The following SLMAP variants were observed in gnomAD, a reference collection of about 807,000 sequenced individuals.
SLMAP encodes the protein sarcolemma associated protein.
In SLMAP, 44 loss-of-function variants were observed where a neutral mutation model predicts 128.8. That is an observed-to-expected ratio of 0.34 (90% confidence interval 0.27 to 0.44). The LOEUF (loss-of-function observed/expected upper bound fraction) is 0.44, where lower values mean the gene tolerates loss of function less well. Among genes scored for constraint, SLMAP ranks in the 20% least tolerant of loss-of-function variants. SLMAP has a pLI of 1.00. For missense variants in SLMAP, 787 were observed against 985.3 expected (o/e 0.80, Z 2.69); for synonymous variants, 327 against 348.8 (o/e 0.94, Z 0.70).
intron 2 of SLMAP, among the ~76,000 whole-genome samples, chr3:57,790,427 T>A (rs1248823854): frequency 6.6e-6 from 1 of 152,150 alleles, no homozygotes; most frequent in East Asian, 1.9e-4. Flanking sequence ...TAAAGAAGGG[T>A]TATAAGAGCT....
chr3:57,922,991 A>T lies in SLMAP; in HGVS notation c.2413A>T (p.Asn805Tyr). The T allele has an allele frequency of 6.2e-7, 1 of 1,613,934 alleles. No homozygotes were observed. The highest frequency in any genetic ancestry group is 8.5e-7 in the Non-Finnish European group (1 of 1,179,942). ...ITDELKQCKN[N>Y]LKLLREKGNN... Reference sequence around the variant, plus strand: ...AGATGAGCTCAAACAGTGTAAAAACAACCTGAAGCTGCTCCGAGAGAAAGG... The same window carrying T: ...AGATGAGCTCAAACAGTGTAAAAACTACCTGAAGCTGCTCCGAGAGAAAGG... Residue 805 changes from asparagine (N) to tyrosine (Y), a missense_variant, in exon 23 of 25, where the codon AAC becomes TAC. Physicochemically the swap from Asn to Tyr is moderately radical, Grantham distance 143 (BLOSUM62 -2). Transcript: ENST00000671191.
intron 15 of SLMAP, among the ~76,000 whole-genome samples, chr3:57,895,168 A>G (rs1376201880): frequency 2.0e-5 from 3 of 151,896 alleles, no homozygotes; most frequent in African/African-American, 7.3e-5. Flanking sequence ...CAGATGTGCC[A>G]TTACAGATGA....
At chr3:57,848,550 C>T (rs1266407372) in intron 5 of SLMAP, among the ~76,000 whole-genome samples, 2 of 143,698 alleles carry the variant, frequency 1.4e-5, no homozygotes, top group African/African-American at 2.6e-5. Context: ...TCCCTTTTTC[C>T]TCCCTCCTTC....
At chr3:57,788,764 G>T (rs1488189751) in intron 2 of SLMAP, among the ~76,000 whole-genome samples, 1 of 152,176 alleles carries the variant, frequency 6.6e-6, no homozygotes, top group African/African-American at 2.4e-5. Flanking sequence ...GACTTGTCAG[G>T]TAGGGGTCTG....
chr3:57,826,885 T>TG (rs2092963772), intron 2 of SLMAP, among the ~76,000 whole-genome samples: 1 of 152,198 alleles, frequency 6.6e-6, no homozygotes. Flanking sequence ...TCTGCACAGA[T>TG]GCTGATTCCA....
intron 8 of SLMAP, among the ~76,000 whole-genome samples, chr3:57,858,527 A>G (rs1310299180): frequency 1.3e-5 from 2 of 152,180 alleles, no homozygotes; most frequent in African/African-American, 2.4e-5. Flanking sequence ...CTTTTTGTCA[A>G]CAACACTTTA....
At chr3:57,844,594 C>T (rs560175283) in intron 4 of SLMAP, among the ~76,000 whole-genome samples, 47 of 150,720 alleles carry the variant, frequency 3.1e-4, no homozygotes, top group Non-Finnish European at 1.9e-4. Flanking sequence ...AATGTGTTGC[C>T]GGATTTTTAG....
intron 23 of SLMAP, 34 bp from the exon 24 acceptor site, chr3:57,925,811 A>G: frequency 6.9e-7 from 1 of 1,455,844 alleles, no homozygotes; most frequent in Non-Finnish European, 9.4e-7. Flanking sequence ...CTTTCATAGC[A>G]TAAAATGATT....
rs869169620 is a variant in SLMAP at position 57,766,165 on chromosome 3, ATTTTTTTT to A, written c.198+8333_198+8340del. On this transcript the variant is annotated intron_variant, in intron 2 of 24. Coordinates refer to ENST00000671191, the MANE Select transcript of SLMAP (RefSeq NM_001377540.1). The stretch of plus-strand genomic sequence containing the variant: ...AGGCGCCTACCACCACACCCGGCTA[ATTTTTTTT>A]TTTTTTTTTTTTTTTTGTATTTTTA... Among the ~76,000 whole-genome samples the A allele has an allele frequency of 9.1e-4, 78 of 85,690 alleles. 1 individual carries two copies. Among genetic ancestry groups the A allele is most frequent in the Admixed American group, 2.0e-3 (12 of 6,118 alleles). 56.2% of individuals were successfully genotyped at this position (85,690 alleles called of 152,430 possible). A position where few individuals can be genotyped will look rare whatever the true frequency, so the allele number is the denominator to read the frequency against.
At chr3:57,889,185 CT>C (rs1377980001) in intron 14 of SLMAP, among the ~76,000 whole-genome samples, 1 of 152,148 alleles carries the variant, frequency 6.6e-6, no homozygotes, top group Admixed American at 6.6e-5. Context: ...CGCACGGCCC[CT>C]CTTTCTGATT....
At chr3:57,772,687 C>T (rs919982943) in intron 2 of SLMAP, among the ~76,000 whole-genome samples, 3 of 151,606 alleles carry the variant, frequency 2.0e-5, no homozygotes, top group African/African-American at 7.3e-5. Context: ...GTTGCCCAGG[C>T]TGGAGTGCAG....
At chr3:57,767,649 A>G (rs1312200243) in intron 2 of SLMAP, among the ~76,000 whole-genome samples, 2 of 152,222 alleles carry the variant, frequency 1.3e-5, no homozygotes, top group Non-Finnish European at 1.5e-5. Flanking sequence ...TTTGGTCTAT[A>G]TAACACTCTT....
At chr3:57,811,643 A>G (rs1379192841) in intron 2 of SLMAP, among the ~76,000 whole-genome samples, 1 of 152,138 alleles carries the variant, frequency 6.6e-6, no homozygotes. Flanking sequence ...TCTTTTTCAA[A>G]ATTTTTGAGG....
chr3:57,879,969 T>A (rs72876795), intron 14 of SLMAP, among the ~76,000 whole-genome samples: 50,581 of 148,994 alleles, frequency 0.34, 9,358 homozygotes, highest in African/African-American at 0.48. Context: ...AAAATAAAAA[T>A]AAAAAGCACA....
In SLMAP at chr3:57,890,055, G is replaced by C. The variant is rs747337211; in HGVS notation, c.1315G>C (p.Glu439Gln). Residue 439 changes from glutamate to glutamine, a missense_variant, in exon 15 of 25, where the codon GAA (glutamate) becomes CAA (glutamine). Coordinates refer to ENST00000671191, the MANE Select transcript of SLMAP (RefSeq NM_001377540.1). ...TTCCTTGGCAGAGAAGCTGATCGTC[G>C]AAGGGCATCTAACCAAAGCGGTAGA... The part of the protein sequence containing the change: ...FIECQKKLIV[E>Q]GHLTKAVEET... The C allele has an allele frequency of 2.0e-5, 33 of 1,613,266 alleles. No homozygotes were observed. The highest frequency in any genetic ancestry group is 2.5e-5 in the Non-Finnish European group (30 of 1,179,332).
chr3:57,757,645 A>C lies in SLMAP; in HGVS notation c.-7A>C. On this transcript the variant is annotated 5_prime_UTR_variant, in exon 2 of 25. Coordinates refer to ENST00000671191, the MANE Select transcript of SLMAP (RefSeq NM_001377540.1). The stretch of plus-strand genomic sequence containing the variant: ...CTGGTAGGAGAGACACCCCCAGTCT[A>C]TCCTCGATGCCGTCAGCCTTGGCCA... 1 of 1,613,630 alleles carries C rather than the reference A, an allele frequency of 6.2e-7. No individual in the cohort carries two copies. The highest frequency in any genetic ancestry group is 8.5e-7 in the Non-Finnish European group (1 of 1,179,782).
At chr3:57,879,803 A>C (rs2153631586) in intron 14 of SLMAP, among the ~76,000 whole-genome samples, 1 of 151,944 alleles carries the variant, frequency 6.6e-6, no homozygotes, top group Admixed American at 6.6e-5. Flanking sequence ...TTAGCTGGGC[A>C]TGTGTGGCGG....
intron 17 of SLMAP, chr3:57,901,792 G>A (rs1269773009): frequency 1.3e-5 from 2 of 152,188 alleles, no homozygotes; most frequent in Admixed American, 6.5e-5. Context: ...AGCATTTTGG[G>A]AGGCCAAAGT....
chr3:57,800,990 G>A (rs2153492505), intron 2 of SLMAP: 1 of 283,544 alleles, frequency 3.5e-6, no homozygotes, highest in Non-Finnish European at 7.0e-6. Flanking sequence ...TTTTCCTTTA[G>A]CACAACCTCC....
Sources: allele counts gnomAD v4.1 joint callset (sites outside exome capture counted in the v4.1 genomes callset), GRCh38; gene constraint gnomAD v4.1.1; transcripts MANE v1.5; gene names NCBI Gene and HGNC (gene_info 2026-07-23, HGNC 2026-07-21).